The following RAB33A variants were observed in gnomAD, a reference collection of about 807,000 sequenced individuals.
RAB33A encodes the protein ras-related protein Rab-33A.
Under a neutral mutation model 12.0 loss-of-function variants are expected in RAB33A, and 6 were observed. That is an observed-to-expected ratio of 0.50 (90% CI 0.27 to 0.99). The LOEUF is 0.99. RAB33A is among the 50% of genes least tolerant of loss of function. RAB33A has a pLI of 0.11. For missense variants in RAB33A, 109 were observed against 192.0 expected (o/e 0.57, Z 2.55); for synonymous variants, 70 against 82.4 (o/e 0.85, Z 0.81).
the RAB33A span, chrX:130,137,810 C>G: frequency 1.1e-6 from 1 of 895,255 alleles, no homozygotes; most frequent in Admixed American, 5.7e-5. Flanking sequence ...CACCTATAAT[C>G]CCAGCACTTT....
the RAB33A span, among the ~76,000 whole-genome samples, chrX:130,113,605 G>A: frequency 6.4e-5 from 7 of 110,098 alleles, no homozygotes; most frequent in African/African-American, 2.3e-4. Flanking sequence ...TGTATTTTTA[G>A]TAGAGATGGG....
At chrX:130,144,191 A>G in the RAB33A span, among the ~76,000 whole-genome samples, 1 of 111,121 alleles carries the variant, frequency 9.0e-6, no homozygotes, top group African/African-American at 3.3e-5. Flanking sequence ...CATCATCATC[A>G]TACCACTACT....
At chrX:130,117,728 G>C in the RAB33A span, among the ~76,000 whole-genome samples, 2 of 112,841 alleles carry the variant, frequency 1.8e-5, no homozygotes, top group Non-Finnish European at 3.8e-5. Flanking sequence ...AAAGAGGCAG[G>C]CACCTGCCCT....
chrX:130,136,836 G>C, the RAB33A span: 1 of 1,023,013 alleles, frequency 9.8e-7, no homozygotes, highest in African/African-American at 1.8e-5. Flanking sequence ...CCAATTATCA[G>C]TACACAGGCA....
chrX:130,113,680 TC>T, the RAB33A span, among the ~76,000 whole-genome samples: 1 of 111,687 alleles, frequency 9.0e-6, no homozygotes, highest in Non-Finnish European at 1.9e-5. Flanking sequence ...TGCCTTGGCT[TC>T]CCAAAGTGCT....
chrX:130,125,335 C>G, the RAB33A span, among the ~76,000 whole-genome samples: 1 of 111,821 alleles, frequency 8.9e-6, no homozygotes, highest in Non-Finnish European at 1.9e-5. Context: ...CACACCCATA[C>G]GTAGAACCAG....
the RAB33A span, among the ~76,000 whole-genome samples, chrX:130,126,546 G>A: frequency 1.8e-5 from 2 of 111,136 alleles, no homozygotes; most frequent in Non-Finnish European, 3.8e-5. Flanking sequence ...GATCCTCAGG[G>A]GCTTGGGCAG....
the RAB33A span, among the ~76,000 whole-genome samples, chrX:130,132,877 G>C: frequency 8.3e-3 from 910 of 109,808 alleles, 11 homozygotes; most frequent in African/African-American, 0.029. Context: ...CTACCGAGTA[G>C]CTGGGATTAC....
chrX:130,136,539 T>G, the RAB33A span: 1 of 742,874 alleles, frequency 1.3e-6, no homozygotes, highest in Non-Finnish European at 2.1e-6. Context: ...TAATGGCAAC[T>G]GCCAGGAAAA....
At chrX:130,118,186 T>G in the RAB33A span, among the ~76,000 whole-genome samples, 25 of 110,758 alleles carry the variant, frequency 2.3e-4, no homozygotes, top group Non-Finnish European at 4.2e-4. Flanking sequence ...TTCAGGAGAG[T>G]TGGGGAGGGC....
chrX:130,137,704 C>T, the RAB33A span: 2 of 1,066,264 alleles, frequency 1.9e-6, no homozygotes, highest in Non-Finnish European at 2.4e-6. Flanking sequence ...TCATAACTCA[C>T]TTTCCTTAAT....
At chrX:130,159,248 GA>G in the RAB33A span, among the ~76,000 whole-genome samples, 3 of 56,407 alleles carry the variant, frequency 5.3e-5, no homozygotes, top group Non-Finnish European at 1.2e-4. Flanking sequence ...TTCAATTTCT[GA>G]ATTACAGATA....
chrX:130,116,169 G>A, the RAB33A span, among the ~76,000 whole-genome samples: 9 of 99,790 alleles, frequency 9.0e-5, no homozygotes, highest in South Asian at 3.9e-3. Context: ...GCAATGGCGC[G>A]ATCTCAGCTC....
In RAB33A at chrX:130,184,587, G is replaced by C; in HGVS notation, c.561G>C (p.Glu187Asp). Residue 187 changes from glutamate (E) to aspartate (D), a missense_variant, in exon 2 of 2, where the codon GAG (glutamate) becomes GAC (aspartate). Coordinates refer to ENST00000257017, the MANE Select transcript of RAB33A (RefSeq NM_004794.3). ...AGACATCGGCCAAGGACCCCAAAGAGAGCCAGAACGTGGAGTCGATTTTCA... is the reference window on the plus strand; with the variant it reads ...AGACATCGGCCAAGGACCCCAAAGACAGCCAGAACGTGGAGTCGATTTTCA... Reference protein sequence around the residue: ...LFETSAKDPKESQNVESIFMC... With the variant: ...LFETSAKDPKDSQNVESIFMC... The C allele has an allele frequency of 8.3e-7, 1 of 1,211,629 alleles. No individual in the cohort carries two copies. Among genetic ancestry groups the C allele is most frequent in the Non-Finnish European group, 1.1e-6 (1 of 895,547 alleles).
the RAB33A span, chrX:130,156,721 A>G: frequency 1.2e-6 from 1 of 813,653 alleles, no homozygotes; most frequent in Non-Finnish European, 1.8e-6. Flanking sequence ...TCACCGTTAA[A>G]TGATCAAGAA....
the RAB33A span, among the ~76,000 whole-genome samples, chrX:130,134,245 A>G: frequency 8.1e-5 from 9 of 110,653 alleles, no homozygotes; most frequent in East Asian, 1.7e-3. Flanking sequence ...TCAAAAAAAA[A>G]AAGAAAAAAA....
chrX:130,156,807 A>G, the RAB33A span, among the ~76,000 whole-genome samples: 1 of 112,247 alleles, frequency 8.9e-6, no homozygotes, highest in South Asian at 3.7e-4. Context: ...AGTTTTTAAG[A>G]GTAAAATTTA....
chrX:130,127,707 T>TTTTTTTTTA, the RAB33A span, among the ~76,000 whole-genome samples: 4 of 98,639 alleles, frequency 4.1e-5, no homozygotes, highest in Non-Finnish European at 6.1e-5. Context: ...TTTTTTTTTT[T>TTTTTTTTTA]GAGATGGAAT....
the RAB33A span, chrX:130,140,501 C>G: frequency 8.8e-7 from 1 of 1,132,790 alleles, no homozygotes. Context: ...TGAGCTGTAT[C>G]AGGGAAGAAA....
Sources: allele counts gnomAD v4.1 joint callset (sites outside exome capture counted in the v4.1 genomes callset), GRCh38; gene constraint gnomAD v4.1.1; transcripts MANE v1.5; gene names NCBI Gene and HGNC (gene_info 2026-07-23, HGNC 2026-07-21).